Variants in WDR90 observed in about 807,000 individuals in gnomAD.
The protein encoded by WDR90 is WD repeat-containing protein 90.
WDR90 carries 238 observed loss-of-function variants against 195.2 expected under a neutral mutation model. The observed-to-expected ratio is 1.22, with a 90% CI of 1.10 to 1.36. The LOEUF is 1.36. Among genes scored for constraint, WDR90 ranks in the 40% most tolerant of loss-of-function variants. The pLI is 0.00. For synonymous variants in WDR90, 1,265 were observed against 1,052.4 expected (o/e 1.20, Z -3.91); for missense variants, 2,734 against 2,439.5 (o/e 1.12, Z -2.54).
chr16:658,818 C>T (rs772371334), intron 23 of WDR90, 78 bp from the exon 24 acceptor site: 43 of 1,581,190 alleles, frequency 2.7e-5, no homozygotes, highest in Non-Finnish European at 3.4e-5. Context: ...GTGTGGGGCT[C>T]ACCGTCCCTG....
chr16:660,611 G>C lies in WDR90; in HGVS notation c.3289-1G>C. 6.4e-7 allele frequency: 1 copy of C among 1,563,406 alleles called. No individual in the cohort carries two copies. Among genetic ancestry groups the C allele is most frequent in the Non-Finnish European group, 8.7e-7 (1 of 1,154,678 alleles). ...CAGCATCCGGGTCTCCTTCCTCGCA[G>C]GGCACTTGCCCGCCTCCCGCCAGCG... On this transcript the variant is annotated splice_acceptor_variant, in intron 27 of 40. Transcript: ENST00000293879. LOFTEE classifies it high-confidence loss of function.
chr16:654,902 C>T (rs1596461208), intron 13 of WDR90, 127 bp from the exon 14 acceptor site: 17 of 823,516 alleles, frequency 2.1e-5, no homozygotes, highest in African/African-American at 3.4e-5. Context: ...TCTCCACGGC[C>T]GCACGCTCAG....
Position 656,824 on chromosome 16 carries a change from C to T in WDR90, c.2295C>T (p.Ala765=), listed in dbSNP as rs369495266. The T allele has an allele frequency of 2.8e-5, 45 of 1,612,906 alleles. No homozygotes were observed. Among genetic ancestry groups the T allele is most frequent in the African/African-American group, 1.9e-4 (14 of 74,930 alleles). The change falls in exon 19 of 41, where the codon GCC becomes GCT. Residue 765 remains alanine (A), a synonymous_variant. Transcript: ENST00000293879. ...PTFFCGFSSG[A]VRSFSLEAAE... ...TTTTCTGTGGCTTTAGCAGTGGGGC[C>T]GTGCGCTCCTTCAGCCTGGAGGCCG...
Position 665,683 on chromosome 16 carries a change from A to T in WDR90, c.4316A>T (p.Asn1439Ile). 1 of 1,612,662 alleles carries T rather than the reference A, an allele frequency of 6.2e-7. No homozygotes were observed. Among genetic ancestry groups the T allele is most frequent in the Non-Finnish European group, 8.5e-7 (1 of 1,179,898 alleles). ...RLISGHRSKVNEVVFSPGESH... is the reference protein window; with the variant it reads ...RLISGHRSKVIEVVFSPGESH... ...CCTAGCTACGGCTTCCCCCAGGTGA[A>T]CGAGGTGGTCTTCAGCCCCGGGGAG... Residue 1439 changes from asparagine to isoleucine, a missense_variant, in exon 35 of 41, where the codon AAC (asparagine) becomes ATC (isoleucine). Physicochemically the swap from Asn to Ile is moderately radical, Grantham distance 149. Transcript: ENST00000293879.
intron 13 of WDR90, 53 bp from the exon 14 acceptor site, chr16:654,976 C>T (rs2037718294): frequency 5.1e-6 from 8 of 1,564,812 alleles, no homozygotes; most frequent in African/African-American, 1.4e-5. Flanking sequence ...CTTGCAGAAT[C>T]GAGGTGGCCC....
intron 31 of WDR90, 49 bp from the exon 32 acceptor site, chr16:661,842 C>T (rs2037923418): frequency 6.3e-7 from 1 of 1,590,518 alleles, no homozygotes; most frequent in East Asian, 2.3e-5. Context: ...TGGAATCTGC[C>T]TGGGCCCCGG....
intron 7 of WDR90, 86 bp downstream of exon 7, chr16:651,352 C>A: frequency 6.8e-7 from 1 of 1,468,522 alleles, no homozygotes. Context: ...TGGGAAAGGA[C>A]CCAGTGGTGT....
rs749119815 is a variant in WDR90 at position 660,680 on chromosome 16, TG to T, written c.3360del (p.Arg1121GlyfsTer183). 1.8e-5 allele frequency: 29 copies of T among 1,579,828 alleles called. No individual in the cohort carries two copies. Among genetic ancestry groups the T allele is most frequent in the Non-Finnish European group, 2.2e-5 (26 of 1,163,928 alleles). ...LKAVVGYSGN[G>X]RANMVWRPDT... ...AGGCTGTCGTCGGTTACAGCGGGAA[TG>T]GGCGGGCCAACATGGTCTGGAGGCC... On this transcript the variant is annotated frameshift_variant, in exon 28 of 41. Transcript: ENST00000293879. LOFTEE classifies it high-confidence loss of function.
chr16:656,115 C>A, intron 17 of WDR90, 187 bp from the exon 18 acceptor site: 3 of 755,504 alleles, frequency 4.0e-6, no homozygotes, highest in Non-Finnish European at 6.3e-6. Context: ...GTGTGTGAAG[C>A]CCCTCAGCCT....
intron 40 of WDR90, 106 bp from the exon 41 acceptor site, chr16:667,326 C>T (rs947150146): frequency 1.4e-6 from 2 of 1,444,644 alleles, no homozygotes; most frequent in Non-Finnish European, 1.8e-6. Flanking sequence ...AGCACCAGCT[C>T]CCCCGACCAG....
At position 650,012 on chromosome 16, in the gene WDR90, G is replaced by A. The variant is rs746228279; in HGVS notation, c.124G>A (p.Val42Met). ...VVTDKTLKGA[V>M]YRIRGSVSAA... ...CCAGGACAAGACCCTGAAGGGCGCC[G>A]TGTATCGCATTCGGGGCTCAGTCTC... is the stretch of plus-strand genomic sequence containing the variant. The change falls in exon 3 of 41, where the codon GTG becomes ATG. Residue 42 changes from valine to methionine, a missense_variant. Transcript: ENST00000293879. The A allele has an allele frequency of 1.9e-6, 3 of 1,612,648 alleles. No homozygotes were observed. Among genetic ancestry groups the A allele is most frequent in the African/African-American group, 1.3e-5 (1 of 74,946 alleles).
chr16:661,359 G>A lies in WDR90; in HGVS notation c.3531G>A (p.Ser1177=), dbSNP rs369533979. ...SHSAQVLASA[S]GRSSTTAHCQ... is the part of the protein sequence containing the mutation. The stretch of plus-strand genomic sequence containing the variant: ...CCTGCCAGGTCCTGGCCTCTGCCTC[G>A]GGCCGAAGCAGCACGACCGCCCATT... The change falls in exon 30 of 41, where the codon TCG becomes TCA. Residue 1177 remains serine (S), a synonymous_variant. Coordinates refer to ENST00000293879, the MANE Select transcript of WDR90 (RefSeq NM_145294.5). The A allele has an allele frequency of 1.7e-5, 27 of 1,605,728 alleles. No individual in the cohort carries two copies. The highest frequency in any genetic ancestry group is 3.3e-5 in the Admixed American group (2 of 59,814).
rs762091621 is a variant in WDR90 at position 660,663 on chromosome 16, G to T, written c.3340G>T (p.Val1114Phe). Residue 1114 changes from valine (V) to phenylalanine (F), a missense_variant, in exon 28 of 41, where the codon GTC becomes TTC. Physicochemically the swap from Val to Phe is conservative, Grantham distance 50. Coordinates refer to ENST00000293879, the MANE Select transcript of WDR90 (RefSeq NM_145294.5). ...SGGWLRLKAV[V>F]GYSGNGRANM... ...TGGGTGGCTGCGTCTGAAGGCTGTC[G>T]TCGGTTACAGCGGGAATGGGCGGGC... 6.3e-7 allele frequency: 1 copy of T among 1,582,714 alleles called. No homozygotes were observed.
chr16:660,473 T>TCCC, intron 27 of WDR90, 139 bp from the exon 28 acceptor site: 1 of 857,350 alleles, frequency 1.2e-6, no homozygotes, highest in South Asian at 1.6e-5. Flanking sequence ...CCACACCTCC[T>TCCC]ACCCCAGCTT....
rs746465451 is a variant in WDR90, at chr16:651,811, A to T, written c.841-16A>T. On this transcript the variant is annotated splice_polypyrimidine_tract_variant and intron_variant, in intron 8 of 40. Transcript: ENST00000293879. ...GTGATGGCCCAGGACGCTGATGGGCACTTGTCCCCCAGCAGTCCGGCCGGG... is the reference window on the plus strand; with the variant it reads ...GTGATGGCCCAGGACGCTGATGGGCTCTTGTCCCCCAGCAGTCCGGCCGGG... 3.1e-6 allele frequency: 5 copies of T among 1,611,354 alleles called. No homozygotes were observed. In the South Asian group the frequency reaches 4.4e-5, roughly 14 times the overall value.
chr16:650,060 C>T lies in WDR90; in HGVS notation c.172C>T (p.Pro58Ser), dbSNP rs370693236. Residue 58 changes from proline (P) to serine (S), a missense_variant, in exon 3 of 41, where the codon CCT becomes TCT. Physicochemically the swap from Pro to Ser is moderately conservative, Grantham distance 74. Coordinates refer to ENST00000293879, the MANE Select transcript of WDR90 (RefSeq NM_145294.5). ...SVSAANYIQL[P>S]KSSTQSLGLT... ...CTCTGCCGCCAACTACATCCAGCTCCCTAAGAGCAGCACCCAGTCTCTGGG... is the reference window on the plus strand; with the variant it reads ...CTCTGCCGCCAACTACATCCAGCTCTCTAAGAGCAGCACCCAGTCTCTGGG... The T allele has an allele frequency of 2.2e-5, 36 of 1,612,848 alleles. No individual in the cohort carries two copies. Among genetic ancestry groups the T allele is most frequent in the Admixed American group, 1.2e-4 (7 of 60,014 alleles).
At chr16:661,321 G>A (rs371205838) in intron 29 of WDR90, 21 bp from the exon 30 acceptor site, 16 of 1,579,490 alleles carry the variant, frequency 1.0e-5, no homozygotes, top group South Asian at 2.3e-5. Flanking sequence ...CCCCACTCAC[G>A]CCTGGCCTCT....
chr16:662,681 C>T lies in WDR90; in HGVS notation c.4148C>T (p.Ser1383Phe). 1 of 1,547,578 alleles carries T rather than the reference C, an allele frequency of 6.5e-7. No individual in the cohort carries two copies. Reference protein sequence around the residue: ...ELRCKGSGASSVFMEHELVLD... With the variant: ...ELRCKGSGASFVFMEHELVLD... ...CTTCCCTGCACCCTGAGGTCCAGTTCTGTGTTCATGGAACACGAGCTGGTG... is the reference window on the plus strand; with the variant it reads ...CTTCCCTGCACCCTGAGGTCCAGTTTTGTGTTCATGGAACACGAGCTGGTG... Residue 1383 changes from serine (S) to phenylalanine (F), a missense_variant and splice_region_variant, in exon 34 of 41, where the codon TCT becomes TTT. Transcript: ENST00000293879.
chr16:651,410 G>A, intron 7 of WDR90, 144 bp downstream of exon 7: 17 of 1,140,604 alleles, frequency 1.5e-5, no homozygotes, highest in African/African-American at 7.7e-5. Flanking sequence ...TAGGTTGTCC[G>A]AGTTCCCAGA....
Sources: gnomAD v4.1 joint callset for allele counts on GRCh38, gnomAD v4.1.1 for gene constraint, MANE v1.5 for transcripts, NCBI Gene and HGNC (gene_info 2026-07-23, HGNC 2026-07-21) for gene names.